TYK2: variants seen among roughly 807,000 people sequenced by gnomAD.
The protein encoded by TYK2 is tyrosine kinase 2.
A neutral mutation model predicts 130.9 loss-of-function variants in TYK2; 65 were observed. The observed-to-expected ratio is 0.50, with a 90% CI of 0.41 to 0.61. TYK2 has a LOEUF of 0.61. TYK2 is among the 20% of genes least tolerant of loss of function. The pLI is 0.00. For synonymous variants in TYK2, 647 were observed against 658.9 expected (o/e 0.98, Z 0.28); for missense variants, 1,378 against 1,610.7 (o/e 0.86, Z 2.47).
At chr19:10,357,709 G>C (rs1257355256) in intron 17 of TYK2, 55 bp downstream of exon 17, 3 of 1,555,594 alleles carry the variant, frequency 1.9e-6, no homozygotes, top group Non-Finnish European at 2.6e-6. Context: ...CTGTCCTCTG[G>C]ATTTCTTGGA....
rs2041746398 is a variant in TYK2 at position 10,368,064 on chromosome 19, G to A, written c.456C>T (p.Leu152=). 1.2e-6 allele frequency: 2 copies of A among 1,614,006 alleles called. No homozygotes were observed. The highest frequency in any genetic ancestry group is 1.7e-6 in the Non-Finnish European group (2 of 1,180,030). ...CCAGCCCTGCTCATACCTGCTCAAA[G>A]AGGTACTCAAATGAGGCTGGGTCCA... ...QLLDPASFEY[L]FEQGKHEFVN... Residue 152 remains leucine, a synonymous_variant, in exon 5 of 25, where the codon CTC becomes CTT. Transcript: ENST00000525621.
intron 5 of TYK2, among the ~76,000 whole-genome samples, chr19:10,367,814 G>A (rs2041735666): frequency 6.6e-6 from 1 of 151,778 alleles, no homozygotes; most frequent in African/African-American, 2.4e-5. Flanking sequence ...CAGCTACTTG[G>A]GAGGCTGAGG....
chr19:10,379,358 A>AAATG (rs1480073721), intron 2 of TYK2, among the ~76,000 whole-genome samples: 1 of 150,142 alleles, frequency 6.7e-6, no homozygotes, highest in Non-Finnish European at 1.5e-5. Flanking sequence ...ATAAATAAAT[A>AAATG]AGTAATAAAA....
Position 10,365,741 on chromosome 19 carries a change from G to T in TYK2, c.787C>A (p.Leu263Ile), listed in dbSNP as rs938643963. ...QMVMVKYLAT[L>I]ERLAPRFGTE... The stretch of plus-strand genomic sequence containing the variant: ...CCGAAGCGGGGTGCCAGCCGCTCGA[G>T]TGTGGCTAGGTATTTGACCATGACC... The change falls in exon 7 of 25, where the codon CTC (leucine) becomes ATC (isoleucine). Residue 263 changes from leucine to isoleucine, a missense_variant. Physicochemically the swap from Leu to Ile is conservative, Grantham distance 5. Coordinates refer to ENST00000525621, the MANE Select transcript of TYK2 (RefSeq NM_003331.5). 1 of 1,613,032 alleles carries T rather than the reference G, an allele frequency of 6.2e-7. No homozygotes were observed. The highest frequency in any genetic ancestry group is 8.5e-7 in the Non-Finnish European group (1 of 1,179,882).
Position 10,364,378 on chromosome 19 carries a change from C to G in TYK2, c.1367+236G>C, listed in dbSNP as rs1302529206. ...TACAAAAATTAGCCTGGCATGGTGG[C>G]GAGTGCCTGTAGTCCCAGGTAGTCA... On this transcript the variant is annotated intron_variant, in intron 9 of 24. Transcript: ENST00000525621. The surrounding 1 kb of genome is among the most constrained non-coding windows in gnomAD (Gnocchi z 4.9). 6.6e-6 allele frequency among the ~76,000 whole-genome samples: 1 copy of G among 152,162 alleles called. No homozygotes were observed. The highest frequency in any genetic ancestry group is 6.5e-5 in the Admixed American group (1 of 15,272).
At chr19:10,374,637 C>T (rs902059971) in intron 3 of TYK2, among the ~76,000 whole-genome samples, 2 of 150,170 alleles carry the variant, frequency 1.3e-5, no homozygotes, top group Non-Finnish European at 3.0e-5. Context: ...CCTGTCATCC[C>T]AGCACTTTGA....
chr19:10,350,838 C>T lies in TYK2; in HGVS notation c.3560G>A (p.Cys1187Tyr), dbSNP rs200932305. ...AGGCAGGGCTGCCATTGTGCCTCAG[C>T]ACACGCTGAACACTGAAGGGGCCTG... is the stretch of plus-strand genomic sequence containing the variant. The part of the protein sequence containing the change: ...QGQAPSVFSV[C>Y] The change falls in exon 25 of 25, where the codon TGC (cysteine) becomes TAC (tyrosine). Residue 1187 changes from cysteine to tyrosine, a missense_variant. Physicochemically the swap from Cys to Tyr is radical, Grantham distance 194 (BLOSUM62 -2). Transcript: ENST00000525621. 5.6e-5 allele frequency: 90 copies of T among 1,613,300 alleles called. No homozygotes were observed. The Middle Eastern group carries it at 1.7e-3, about 30-fold the overall frequency.
rs751758409 is a variant in TYK2 at position 10,356,608 on chromosome 19, G to A, written c.2577C>T (p.Phe859=). The change falls in exon 18 of 25, where the codon TTC becomes TTT. Residue 859 remains phenylalanine (F), a synonymous_variant. Transcript: ENST00000525621. ...LTYEPTQRPS[F]RTILRDLTRL... ...GGGTGAGGTCACGCAGGATGGTGCG[G>A]AATGATGGCCTCTGGGTTGGCTCAT... The A allele has an allele frequency of 6.2e-7, 1 of 1,613,780 alleles. No homozygotes were observed. The highest frequency in any genetic ancestry group is 1.1e-5 in the South Asian group (1 of 91,038).
rs200247986 is a variant in TYK2 at position 10,361,522 on chromosome 19, C to G, written c.2036G>C (p.Arg679Pro). 186 of 1,545,668 alleles carry G rather than the reference C, an allele frequency of 1.2e-4. 1 individual carries two copies. Among genetic ancestry groups the G allele is most frequent in the Middle Eastern group, 1.2e-3 (7 of 5,970 alleles). ...CGGGACCCACTCACTTTCAGGGCCG[C>G]GCACACAGACGCCATGCACGAAGGC... Reference protein sequence around the residue: ...HLAFVHGVCVRGPENIMVTEY... With the variant: ...HLAFVHGVCVPGPENIMVTEY... Residue 679 changes from arginine to proline, a missense_variant, in exon 14 of 25, where the codon CGC becomes CCC. Transcript: ENST00000525621. The surrounding 1 kb of genome is among the most constrained non-coding windows in gnomAD (Gnocchi z 4.0).
chr19:10,350,690 G>A lies in TYK2; in HGVS notation c.*144C>T. Reference sequence around the variant, plus strand: ...AAGAAAGAAAAATAAGTTCACAGAGGTGGGGTCTCTAGACAGGAGTAAGGC... The same window carrying A: ...AAGAAAGAAAAATAAGTTCACAGAGATGGGGTCTCTAGACAGGAGTAAGGC... On this transcript the variant is annotated 3_prime_UTR_variant, in exon 25 of 25. Transcript: ENST00000525621. 1.1e-6 allele frequency: 1 copy of A among 949,548 alleles called. No homozygotes were observed. 58.8% of individuals were successfully genotyped at this position (949,548 alleles called of 1,614,324 possible).
chr19:10,358,296 T>G (rs1421764732), intron 15 of TYK2, among the ~76,000 whole-genome samples, 158 bp from the exon 16 acceptor site: 4 of 115,592 alleles, frequency 3.5e-5, no homozygotes, highest in Admixed American at 8.1e-5. Context: ...TTTTTCTTGT[T>G]TTTTTTTTTT....
intron 3 of TYK2, among the ~76,000 whole-genome samples, chr19:10,371,111 G>A (rs900296092): frequency 1.7e-4 from 26 of 151,786 alleles, no homozygotes; most frequent in Admixed American, 6.6e-5. Flanking sequence ...GACTACAGGC[G>A]CACGCCACCA....
Position 10,368,102 on chromosome 19 carries a change from C to G in TYK2, c.418G>C (p.Gly140Arg). The G allele has an allele frequency of 1.9e-6, 3 of 1,614,100 alleles. No individual in the cohort carries two copies. The highest frequency in any genetic ancestry group is 2.5e-6 in the Non-Finnish European group (3 of 1,180,020). ...TEASSDQTAQ[G>R]MQLLDPASFE... Reference sequence around the variant, plus strand: ...GAGGCTGGGTCCAGGAGTTGCATCCCCTGTGCTGTCTGATCTGAGGATGCC... The same window carrying G: ...GAGGCTGGGTCCAGGAGTTGCATCCGCTGTGCTGTCTGATCTGAGGATGCC... The change falls in exon 5 of 25, where the codon GGG becomes CGG. Residue 140 changes from glycine (G) to arginine (R), a missense_variant. Physicochemically the swap from Gly to Arg is moderately radical, Grantham distance 125. Coordinates refer to ENST00000525621, the MANE Select transcript of TYK2 (RefSeq NM_003331.5).
chr19:10,354,647 C>T, intron 18 of TYK2, 38 bp from the exon 19 acceptor site: 2 of 1,559,678 alleles, frequency 1.3e-6, no homozygotes, highest in Non-Finnish European at 1.8e-6. Context: ...TGACCCCGAT[C>T]CTTTCCCCAG....
chr19:10,374,144 T>C (rs1206703770), intron 3 of TYK2, among the ~76,000 whole-genome samples: 2 of 151,930 alleles, frequency 1.3e-5, no homozygotes, highest in African/African-American at 2.4e-5. Flanking sequence ...TGGGTGCCTA[T>C]AGTCCCAGCT....
At chr19:10,363,187 CTTT>C (rs942594471) in intron 9 of TYK2, among the ~76,000 whole-genome samples, 42 of 127,664 alleles carry the variant, frequency 3.3e-4, no homozygotes, top group African/African-American at 6.2e-4. Context: ...CCTGATCTCT[CTTT>C]TTTTTTTTTT....
intron 14 of TYK2, among the ~76,000 whole-genome samples, chr19:10,360,167 G>C (rs2041329380): frequency 1.3e-5 from 2 of 151,834 alleles, no homozygotes; most frequent in Admixed American, 6.6e-5. Context: ...GGGTGACACA[G>C]TGAGACTCCG....
At chr19:10,357,980 C>A in intron 16 of TYK2, 23 bp downstream of exon 16, 1 of 1,613,482 alleles carries the variant, frequency 6.2e-7, no homozygotes, top group South Asian at 1.1e-5. Context: ...CCCCACTGTG[C>A]CCAGGTCCCC....
intron 1 of TYK2, among the ~76,000 whole-genome samples, 193 bp downstream of exon 1, chr19:10,380,187 G>A (rs1393333730): frequency 6.6e-6 from 1 of 152,238 alleles, no homozygotes; most frequent in East Asian, 1.9e-4. Context: ...TGTTATAGAT[G>A]AGATCCCGGG....
Sources: gnomAD v4.1 joint callset for allele counts (sites outside exome capture counted in the v4.1 genomes callset) on GRCh38, gnomAD v4.1.1 for gene constraint, Gnocchi (gnomAD v3.1) non-coding constraint, MANE v1.5 for transcripts, NCBI Gene and HGNC (gene_info 2026-07-23, HGNC 2026-07-21) for gene names.